CMIP: variants seen among roughly 807,000 people sequenced by gnomAD.
CMIP encodes the protein C-Maf-inducing protein.
CMIP carries 13 observed loss-of-function variants against 97.3 expected under a neutral mutation model. The ratio of observed to expected loss-of-function variants is 0.13; its 90% CI spans 0.09 to 0.21. The LOEUF (loss-of-function observed/expected upper bound fraction) is 0.21, where lower values mean the gene tolerates loss of function less well. CMIP is among the 10% of genes least tolerant of loss of function. The pLI is 1.00. For missense variants in CMIP, 847 were observed against 1,024.9 expected (o/e 0.83, Z 2.37); for synonymous variants, 538 against 436.3 (o/e 1.23, Z -2.91).
intron 20 of CMIP, among the ~76,000 whole-genome samples, chr16:81,707,688 C>G (rs550339752): frequency 6.6e-6 from 1 of 152,356 alleles, no homozygotes; most frequent in East Asian, 1.9e-4. Flanking sequence ...GGGTGGAAGG[C>G]AGGGGCGTTT....
At chr16:81,557,818 G>A (rs1248942091) in intron 1 of CMIP, among the ~76,000 whole-genome samples, 3 of 152,156 alleles carry the variant, frequency 2.0e-5, no homozygotes, top group Non-Finnish European at 4.4e-5. Context: ...TCACCAAATC[G>A]GAGGTGTTTT....
chr16:81,673,707 C>G (rs1269708750), intron 9 of CMIP, among the ~76,000 whole-genome samples: 1 of 152,180 alleles, frequency 6.6e-6, no homozygotes, highest in Non-Finnish European at 1.5e-5. Flanking sequence ...TGGCTGAGAA[C>G]TGCTCCCGGG....
At position 81,445,348 on chromosome 16, in the gene CMIP, G is replaced by A. The variant is rs756013690; in HGVS notation, c.107G>A (p.Gly36Asp). ...DVSAPEGTKMGAVPCRRALLL... is the reference protein window; with the variant it reads ...DVSAPEGTKMDAVPCRRALLL... Reference sequence around the variant, plus strand: ...TCGGCCCCCGAAGGCACGAAGATGGGCGCCGTGCCCTGCCGCCGGGCTCTT... The same window carrying A: ...TCGGCCCCCGAAGGCACGAAGATGGACGCCGTGCCCTGCCGCCGGGCTCTT... Residue 36 changes from glycine to aspartate, a missense_variant, in exon 1 of 21, where the codon GGC (glycine) becomes GAC (aspartate). Coordinates refer to ENST00000537098, the MANE Select transcript of CMIP (RefSeq NM_198390.3). 1.3e-6 allele frequency: 2 copies of A among 1,599,996 alleles called. No individual in the cohort carries two copies. Among genetic ancestry groups the A allele is most frequent in the South Asian group, 1.1e-5 (1 of 88,950 alleles).
rs56057266 is a variant in CMIP at position 81,546,903 on chromosome 16, G to A, written c.301-60664G>A. Among the ~76,000 whole-genome samples, 194 of 152,304 alleles carry A rather than the reference G, an allele frequency of 1.3e-3. 1 individual carries two copies. Among genetic ancestry groups the A allele is most frequent in the Non-Finnish European group, 2.5e-3 (168 of 68,018 alleles). On this transcript the variant is annotated intron_variant, in intron 1 of 20. Transcript: ENST00000537098. ...TCAGTGCTCCGTAGCCACGCGTGGCGAACAGCTCTTGTACTGGAGAGTGCC... is the reference window on the plus strand; with the variant it reads ...TCAGTGCTCCGTAGCCACGCGTGGCAAACAGCTCTTGTACTGGAGAGTGCC...
intron 20 of CMIP, among the ~76,000 whole-genome samples, chr16:81,708,546 A>G (rs1370972083): frequency 6.6e-6 from 1 of 152,188 alleles, no homozygotes; most frequent in African/African-American, 2.4e-5. Flanking sequence ...TGAGAGAGAC[A>G]TGGTGCCAAC....
intron 1 of CMIP, among the ~76,000 whole-genome samples, chr16:81,592,116 G>A (rs774110030): frequency 1.3e-5 from 2 of 152,126 alleles, no homozygotes; most frequent in Admixed American, 6.5e-5. Context: ...GAGCCACTGC[G>A]CCTGGCTGCA....
In CMIP at chr16:81,670,217, A is replaced by T. The variant is rs1369798924; in HGVS notation, c.901A>T (p.Met301Leu). ...TGCCTTGAACGAGCTCAACGCGGGG[A>T]TGGAAGTGGTGAAGAAGTTCATTCA... The part of the protein sequence containing the change: ...ILALNELNAG[M>L]EVVKKFIQSM... Residue 301 changes from methionine (M) to leucine (L), a missense_variant, in exon 8 of 21, where the codon ATG becomes TTG. Met to Leu is a conservative substitution (Grantham distance 15). Coordinates refer to ENST00000537098, the MANE Select transcript of CMIP (RefSeq NM_198390.3). 6.2e-7 allele frequency: 1 copy of T among 1,611,154 alleles called. No homozygotes were observed. The highest frequency in any genetic ancestry group is 8.5e-7 in the Non-Finnish European group (1 of 1,178,898).
chr16:81,490,722 C>G (rs1213350343), intron 1 of CMIP, among the ~76,000 whole-genome samples: 1 of 152,158 alleles, frequency 6.6e-6, no homozygotes, highest in African/African-American at 2.4e-5. Context: ...GTGGCCAGTC[C>G]TCTACCAGGC....
chr16:81,491,689 A>C (rs1360560309), intron 1 of CMIP, among the ~76,000 whole-genome samples: 1 of 152,184 alleles, frequency 6.6e-6, no homozygotes, highest in Non-Finnish European at 1.5e-5. Flanking sequence ...TGACGTCCCC[A>C]ACTCCACAAT....
chr16:81,455,242 C>T (rs561663242), intron 1 of CMIP, among the ~76,000 whole-genome samples: 3 of 152,182 alleles, frequency 2.0e-5, no homozygotes, highest in East Asian at 1.9e-4. Flanking sequence ...CAGTAGTGAC[C>T]GTGCAGCGGC....
chr16:81,511,930 G>C (rs775880917), intron 1 of CMIP, among the ~76,000 whole-genome samples: 4 of 152,170 alleles, frequency 2.6e-5, no homozygotes, highest in Non-Finnish European at 4.4e-5. Context: ...CTGAGCACTT[G>C]AAATGAGGTC....
chr16:81,583,099 GT>G (rs1266490377), intron 1 of CMIP, among the ~76,000 whole-genome samples: 1 of 152,262 alleles, frequency 6.6e-6, no homozygotes, highest in African/African-American at 2.4e-5. Flanking sequence ...CACTCAGAGG[GT>G]AAGCTCTGGC....
At chr16:81,693,075 G>A (rs781359749) in intron 11 of CMIP, 83 bp from the exon 12 acceptor site, 18 of 977,344 alleles carry the variant, frequency 1.8e-5, no homozygotes, top group Admixed American at 9.5e-5. Context: ...AAGTCTAGAC[G>A]TCCCCAGAGG....
At chr16:81,505,442 C>G (rs546222088) in intron 1 of CMIP, among the ~76,000 whole-genome samples, 1 of 152,332 alleles carries the variant, frequency 6.6e-6, no homozygotes, top group East Asian at 1.9e-4. Context: ...CATTTGCACC[C>G]TGGTTTTCAA....
chr16:81,689,544 C>G (rs1905816771), intron 10 of CMIP, among the ~76,000 whole-genome samples: 3 of 152,210 alleles, frequency 2.0e-5, no homozygotes, highest in South Asian at 2.1e-4. Flanking sequence ...TTTGTAGATT[C>G]TGGATATTAG....
At chr16:81,642,968 A>T (rs551667281) in intron 3 of CMIP, among the ~76,000 whole-genome samples, 2 of 152,312 alleles carry the variant, frequency 1.3e-5, no homozygotes, top group East Asian at 3.9e-4. Flanking sequence ...GGGTGAAGCA[A>T]AGCTGCCACA....
intron 13 of CMIP, among the ~76,000 whole-genome samples, chr16:81,695,058 CAG>C (rs1198362456): frequency 6.6e-6 from 1 of 152,210 alleles, no homozygotes; most frequent in Non-Finnish European, 1.5e-5. Flanking sequence ...AGCTGCTTCT[CAG>C]AGTAGAGAGG....
chr16:81,463,976 C>A (rs568639949), intron 1 of CMIP: 1 of 152,364 alleles, frequency 6.6e-6, no homozygotes, highest in East Asian at 1.9e-4. Flanking sequence ...GCCCCTCAGC[C>A]TCCTTGCCAA....
intron 1 of CMIP, among the ~76,000 whole-genome samples, chr16:81,539,506 C>T (rs1279316069): frequency 2.0e-5 from 3 of 152,198 alleles, no homozygotes; most frequent in African/African-American, 7.2e-5. Flanking sequence ...CTCAAGAATC[C>T]TTCATGCTTC....
Sources: gnomAD v4.1 joint callset for allele counts (sites outside exome capture counted in the v4.1 genomes callset) on GRCh38, gnomAD v4.1.1 for gene constraint, MANE v1.5 for transcripts, NCBI Gene and HGNC (gene_info 2026-07-23, HGNC 2026-07-21) for gene names.